DCLK1: variants seen among roughly 807,000 people sequenced by gnomAD.
The protein encoded by DCLK1 is serine/threonine-protein kinase DCLK1.
DCLK1 carries 16 observed loss-of-function variants against 86.2 expected under a neutral mutation model. The ratio of observed to expected loss-of-function variants is 0.19; its 90% CI spans 0.13 to 0.28. The LOEUF (loss-of-function observed/expected upper bound fraction) is 0.28. DCLK1 is among the 10% of genes least tolerant of loss of function. The pLI, the probability that DCLK1 is intolerant of heterozygous loss-of-function variation, is 1.00. For missense variants in DCLK1, 590 were observed against 940.2 expected (o/e 0.63, Z 4.87); for synonymous variants, 369 against 370.5 (o/e 1.00, Z 0.05).
Position 35,811,702 on chromosome 13 carries a change from C to T in DCLK1, c.1555-734G>A, listed in dbSNP as rs1431284091. 3.9e-5 allele frequency among the ~76,000 whole-genome samples: 6 copies of T among 151,910 alleles called. No homozygotes were observed. The East Asian group carries it at 7.8e-4, about 20-fold the overall frequency. ...TACAAAAAGTAGCTGGGCGTGGTGG[C>T]GGGCACCTGTAATCTCAGCTACTCA... On this transcript the variant is annotated intron_variant, in intron 11 of 16. Transcript: ENST00000360631.
At chr13:35,859,789 AC>A (rs1257656803) in intron 5 of DCLK1, among the ~76,000 whole-genome samples, 1 of 152,220 alleles carries the variant, frequency 6.6e-6, no homozygotes, top group African/African-American at 2.4e-5. Context: ...TTATGATTAA[AC>A]ATCAAAGTTA....
At chr13:36,040,555 C>T (rs899623804) in intron 3 of DCLK1, among the ~76,000 whole-genome samples, 7 of 151,558 alleles carry the variant, frequency 4.6e-5, no homozygotes, top group Non-Finnish European at 5.9e-5. Flanking sequence ...TGACTCTATT[C>T]ACCTGGCTGA....
At chr13:35,787,982 C>T (rs1417555095) in intron 16 of DCLK1, 2 of 524,150 alleles carry the variant, frequency 3.8e-6, no homozygotes, top group Non-Finnish European at 6.9e-6. Flanking sequence ...AAAATTGATA[C>T]TGAGCATGTG....
At chr13:36,025,112 C>T (rs112075775) in intron 3 of DCLK1, among the ~76,000 whole-genome samples, 21,995 of 151,964 alleles carry the variant, frequency 0.14, 1,974 homozygotes, top group Non-Finnish European at 0.2. Flanking sequence ...GGATTACAGG[C>T]ATGGGCCACT....
intron 3 of DCLK1, among the ~76,000 whole-genome samples, chr13:36,093,868 T>C (rs774471679): frequency 3.9e-4 from 60 of 152,352 alleles, no homozygotes; most frequent in African/African-American, 1.3e-3. Flanking sequence ...CTGTCTTACA[T>C]ATTTTCAGGT....
intron 3 of DCLK1, among the ~76,000 whole-genome samples, chr13:36,089,527 CG>C (rs1276275324): frequency 6.6e-6 from 1 of 152,196 alleles, no homozygotes; most frequent in African/African-American, 2.4e-5. Context: ...ACAGGAACTC[CG>C]GGTTGTCCAT....
intron 3 of DCLK1, among the ~76,000 whole-genome samples, chr13:36,058,109 G>A (rs1319070035): frequency 6.6e-6 from 1 of 152,136 alleles, no homozygotes; most frequent in Non-Finnish European, 1.5e-5. Context: ...TGGGCTGCTG[G>A]TACTGAGAGA....
At chr13:35,840,763 A>G (rs1452217822) in intron 6 of DCLK1, among the ~76,000 whole-genome samples, 1 of 152,218 alleles carries the variant, frequency 6.6e-6, no homozygotes, top group East Asian at 1.9e-4. Context: ...CTATGTACCC[A>G]TAACCCACAC....
chr13:35,896,077 T>C (rs1873958808), intron 4 of DCLK1, among the ~76,000 whole-genome samples: 1 of 152,218 alleles, frequency 6.6e-6, no homozygotes, highest in African/African-American at 2.4e-5. Context: ...AAGGATGAGA[T>C]GTTAAACGTA....
intron 10 of DCLK1, among the ~76,000 whole-genome samples, chr13:35,826,540 A>AGGAGGGAAGGAAGGAAGG (rs1382422000): frequency 3.2e-5 from 3 of 92,754 alleles, no homozygotes; most frequent in African/African-American, 9.8e-5. Flanking sequence ...AAAAAAAAAA[A>AGGAGGGAAGGAAGGAAGG]AAGAAAGAAA....
intron 3 of DCLK1, among the ~76,000 whole-genome samples, chr13:36,042,906 G>T (rs1882744692): frequency 6.6e-6 from 1 of 152,092 alleles, no homozygotes. Flanking sequence ...ATTTAAGGTG[G>T]TCTAATACCC....
chr13:35,814,584 T>C (rs1285449028), intron 11 of DCLK1, among the ~76,000 whole-genome samples: 1 of 152,200 alleles, frequency 6.6e-6, no homozygotes, highest in East Asian at 1.9e-4. Context: ...TTAAAGCCTC[T>C]ATAAAATGTG....
intron 15 of DCLK1, among the ~76,000 whole-genome samples, chr13:35,802,961 G>A (rs1218321022): frequency 6.6e-6 from 1 of 152,216 alleles, no homozygotes; most frequent in Non-Finnish European, 1.5e-5. Context: ...ACCTGGGTAA[G>A]TGAGTTTGGA....
chr13:35,964,468 G>A (rs1440377988), intron 3 of DCLK1, among the ~76,000 whole-genome samples: 1 of 152,154 alleles, frequency 6.6e-6, no homozygotes, highest in African/African-American at 2.4e-5. Flanking sequence ...TTTCCTACTT[G>A]GCAGGCTCAC....
intron 6 of DCLK1, among the ~76,000 whole-genome samples, chr13:35,844,208 T>C (rs902380764): frequency 1.3e-5 from 2 of 152,200 alleles, no homozygotes; most frequent in Non-Finnish European, 2.9e-5. Flanking sequence ...GAATGAATAC[T>C]GAAAAATGTA....
At chr13:36,078,102 C>A (rs1344421883) in intron 3 of DCLK1, among the ~76,000 whole-genome samples, 2 of 152,140 alleles carry the variant, frequency 1.3e-5, no homozygotes, top group Non-Finnish European at 2.9e-5. Flanking sequence ...GTGGAGCCCC[C>A]ATCATGGGAT....
At chr13:36,035,285 A>G (rs1228442678) in intron 3 of DCLK1, among the ~76,000 whole-genome samples, 3 of 151,978 alleles carry the variant, frequency 2.0e-5, no homozygotes, top group Non-Finnish European at 2.9e-5. Flanking sequence ...TTTTGCAGTG[A>G]TATTTGGAAT....
intron 3 of DCLK1, among the ~76,000 whole-genome samples, chr13:36,030,998 A>G (rs1187599182): frequency 6.6e-6 from 1 of 152,154 alleles, no homozygotes; most frequent in East Asian, 1.9e-4. Flanking sequence ...GGTATAACTG[A>G]TAAGCCACAG....
chr13:36,046,918 T>C (rs1314561063), intron 3 of DCLK1, among the ~76,000 whole-genome samples: 1 of 152,180 alleles, frequency 6.6e-6, no homozygotes, highest in East Asian at 1.9e-4. Flanking sequence ...CTGAACTTCA[T>C]GACCTACATC....
Sources: allele counts gnomAD v4.1 joint callset (sites outside exome capture counted in the v4.1 genomes callset), GRCh38; gene constraint gnomAD v4.1.1; transcripts MANE v1.5; gene names NCBI Gene and HGNC (gene_info 2026-07-23, HGNC 2026-07-21).